The following PRKCH variants were observed in gnomAD, a reference collection of about 807,000 sequenced individuals.
PRKCH encodes the protein protein kinase C eta type.
Under a neutral mutation model 82.5 loss-of-function variants are expected in PRKCH, and 28 were observed. The ratio of observed to expected loss-of-function variants is 0.34; its 90% CI spans 0.25 to 0.47. PRKCH has a LOEUF of 0.47. PRKCH is among the 20% of genes least tolerant of loss of function. The pLI is 1.00. For missense variants in PRKCH, 705 were observed against 881.8 expected (o/e 0.80, Z 2.54); for synonymous variants, 322 against 327.4 (o/e 0.98, Z 0.18).
chr14:61,550,078 G>C lies in PRKCH; in HGVS notation c.*247G>C, dbSNP rs1205675113. The C allele has an allele frequency of 7.7e-6, 3 of 388,324 alleles. No individual in the cohort carries two copies. The highest frequency in any genetic ancestry group is 1.4e-5 in the Non-Finnish European group (3 of 216,782). The allele number at this position is 388,324 out of a possible 1,614,324, so 24.1% of individuals were successfully genotyped here. A position where few individuals can be genotyped will look rare whatever the true frequency, so the allele number is the denominator to read the frequency against. On this transcript the variant is annotated 3_prime_UTR_variant, in exon 14 of 14. Transcript: ENST00000332981. Reference sequence around the variant, plus strand: ...ATGAAGTATACCGCTCCACCTATGAGCGTCTGTCTCTGTGGGCTTGGGATG... The same window carrying C: ...ATGAAGTATACCGCTCCACCTATGACCGTCTGTCTCTGTGGGCTTGGGATG...
At chr14:61,474,187 G>A (rs1366687590) in intron 9 of PRKCH, among the ~76,000 whole-genome samples, 4 of 152,126 alleles carry the variant, frequency 2.6e-5, no homozygotes, top group Non-Finnish European at 4.4e-5. Context: ...GAGTTCTATT[G>A]GATACGGCAT....
intron 9 of PRKCH, 110 bp downstream of exon 9, chr14:61,457,789 G>T (rs1033638403): frequency 3.7e-5 from 53 of 1,423,964 alleles, no homozygotes; most frequent in Non-Finnish European, 4.9e-5. Flanking sequence ...TGGGGGATGG[G>T]CTCCCAAGGC....
chr14:61,281,038 G>T, intron 1 of PRKCH: 1 of 1,530,554 alleles, frequency 6.5e-7, no homozygotes. Context: ...GAAGAAGAGC[G>T]GCAGCGCGAT....
upstream of PRKCH, among the ~76,000 whole-genome samples, chr14:61,319,829 GC>G (rs2045593572): frequency 6.6e-6 from 1 of 152,248 alleles, no homozygotes; most frequent in South Asian, 2.1e-4. Context: ...TTAGAGTGAT[GC>G]GTTGCATCCC....
At position 61,467,734 on chromosome 14, in the gene PRKCH, G is replaced by A. The variant is rs138466508; in HGVS notation, c.1278+10055G>A. Among the ~76,000 whole-genome samples the A allele has an allele frequency of 2.2e-3, 334 of 152,356 alleles. 2 individuals are homozygous for A. The highest frequency in any genetic ancestry group is 7.7e-3 in the African/African-American group (321 of 41,586). On this transcript the variant is annotated intron_variant, in intron 9 of 13. Transcript: ENST00000332981. ...TGGTGCCCACTTTGCAGGAGGGGAT[G>A]AGCGAAGAAGGAAAGGGCAGTTCAT...
At chr14:61,223,277 C>G (rs151158743) in intron 1 of PRKCH, among the ~76,000 whole-genome samples, 32 of 152,328 alleles carry the variant, frequency 2.1e-4, no homozygotes, top group African/African-American at 7.0e-4. Flanking sequence ...CACCTTCAGA[C>G]TCCAGACATC....
chr14:61,387,002 TTC>T (rs2046597869), intron 1 of PRKCH, among the ~76,000 whole-genome samples: 2 of 152,326 alleles, frequency 1.3e-5, no homozygotes, highest in African/African-American at 4.8e-5. Context: ...CGAAGAGCTG[TTC>T]TCTTTCTGTC....
chr14:61,463,480 T>C (rs1385626967), intron 9 of PRKCH: 1 of 141,306 alleles, frequency 7.1e-6, no homozygotes, highest in African/African-American at 3.2e-5. Flanking sequence ...TATTTCCCCT[T>C]TTTTTTTATA....
At chr14:61,195,589 TTA>T (rs1314124718) in intron 1 of PRKCH, among the ~76,000 whole-genome samples, 1 of 152,184 alleles carries the variant, frequency 6.6e-6, no homozygotes, top group African/African-American at 2.4e-5. Context: ...ATAGGATATT[TTA>T]GGAACCAAAG....
At chr14:61,444,629 C>G (rs9788451) in intron 3 of PRKCH, among the ~76,000 whole-genome samples, 30,687 of 152,066 alleles carry the variant, frequency 0.2, 3,458 homozygotes, top group East Asian at 0.36. Flanking sequence ...TACTCTCTCT[C>G]TCACACACAC....
chr14:61,470,670 C>T (rs997059011), intron 9 of PRKCH, among the ~76,000 whole-genome samples: 1 of 152,150 alleles, frequency 6.6e-6, no homozygotes, highest in Non-Finnish European at 1.5e-5. Flanking sequence ...TAGCTCACTC[C>T]TGCCCACTTC....
At position 61,485,578 on chromosome 14, in the gene PRKCH, A is replaced by G; in HGVS notation, c.1355A>G (p.Asp452Gly). 3 of 1,614,124 alleles carry G rather than the reference A, an allele frequency of 1.9e-6. No individual in the cohort carries two copies. Among genetic ancestry groups the G allele is most frequent in the South Asian group, 1.1e-5 (1 of 91,074 alleles). The change falls in exon 10 of 14, where the codon GAT becomes GGT. Residue 452 changes from aspartate to glycine, a missense_variant. By Grantham distance (94) the Asp-to-Gly change is moderately conservative (BLOSUM62 -1). Around this residue, in one of 5 missense-constraint regions of PRKCH, gnomAD observed 238 missense variants for 258.1 expected, o/e 0.92. Coordinates refer to ENST00000332981, the MANE Select transcript of PRKCH (RefSeq NM_006255.5). The stretch of plus-strand genomic sequence containing the variant: ...CACATTCAGAAGTCTCGTCGTTTTG[A>G]TGAAGCACGAGCTCGCTTCTATGCT... ...MFHIQKSRRFDEARARFYAAE... is the reference protein window; with the variant it reads ...MFHIQKSRRFGEARARFYAAE...
At chr14:61,516,188 G>A (rs1372351308) in intron 10 of PRKCH, among the ~76,000 whole-genome samples, 3 of 152,108 alleles carry the variant, frequency 2.0e-5, no homozygotes, top group Admixed American at 1.3e-4. Flanking sequence ...ATTGAGGGAG[G>A]CAACTGTAAA....
intron 1 of PRKCH, among the ~76,000 whole-genome samples, chr14:61,251,574 A>AT (rs1283712524): frequency 1.3e-5 from 2 of 152,184 alleles, no homozygotes; most frequent in Non-Finnish European, 2.9e-5. Context: ...TTGCATATAT[A>AT]TGCCACATTT....
intron 1 of PRKCH, among the ~76,000 whole-genome samples, chr14:61,367,352 GTGTGTGTA>G (rs2046310025): frequency 7.2e-6 from 1 of 139,796 alleles, no homozygotes; most frequent in African/African-American, 3.0e-5. Context: ...TTGCGTGTGT[GTGTGTGTA>G]TGTGTGTGTG....
In PRKCH at chr14:61,387,505, GT is replaced by G. The variant is rs1200788961; in HGVS notation, c.364-3719del. On this transcript the variant is annotated intron_variant, in intron 1 of 13. Transcript: ENST00000332981. ...TAAGGTAAATGAGTGGAAATTATTG[GT>G]CTTGCTGCGTTTGTATTCATAGAGA... Among the ~76,000 whole-genome samples the G allele has an allele frequency of 2.0e-5, 3 of 152,308 alleles. No individual in the cohort carries two copies. The East Asian group carries it at 5.8e-4, about 29-fold the overall frequency.
intron 1 of PRKCH, among the ~76,000 whole-genome samples, chr14:61,207,106 CA>C (rs71114196): frequency 7.4e-3 from 364 of 49,132 alleles, no homozygotes; most frequent in African/African-American, 0.023. Context: ...AACTCCATCT[CA>C]AAAAAAAAAA....
At chr14:61,352,556 C>A (rs541413601) in intron 1 of PRKCH, among the ~76,000 whole-genome samples, 1 of 151,616 alleles carries the variant, frequency 6.6e-6, no homozygotes, top group Admixed American at 6.6e-5. Flanking sequence ...CCCAGCTACT[C>A]GGGAAGCTGA....
upstream of PRKCH, among the ~76,000 whole-genome samples, chr14:61,317,007 C>T (rs538843329): frequency 7.4e-4 from 113 of 152,306 alleles, no homozygotes; most frequent in Middle Eastern, 3.4e-3. Context: ...ACAATTACCA[C>T]GGTAGCCTGT....
Sources: allele counts gnomAD v4.1 joint callset (sites outside exome capture counted in the v4.1 genomes callset), GRCh38; gene constraint gnomAD v4.1.1; regional missense constraint gnomAD v4.1.1; transcripts MANE v1.5; gene names NCBI Gene and HGNC (gene_info 2026-07-23, HGNC 2026-07-21).